The following MDGA2 variants were observed in gnomAD, a reference collection of about 807,000 sequenced individuals.
MDGA2 encodes the protein MAM domain containing glycosylphosphatidylinositol anchor 2.
In MDGA2, 40 loss-of-function variants were observed where a neutral mutation model predicts 117.8. The observed-to-expected ratio is 0.34, with a 90% confidence interval of 0.26 to 0.44. The LOEUF (loss-of-function observed/expected upper bound fraction) is 0.44. MDGA2 is among the 20% of genes least tolerant of loss of function. MDGA2 has a pLI of 1.00. For synonymous variants in MDGA2, 452 were observed against 439.0 expected, an observed-to-expected ratio of 1.03 and a Z score of -0.37; for missense variants, 1,123 against 1,250.6, an observed-to-expected ratio of 0.90 and a Z score of 1.54.
At chr14:47,180,127 C>G (rs1410676210) in intron 3 of MDGA2, among the ~76,000 whole-genome samples, 1 of 152,016 alleles carries the variant, frequency 6.6e-6, no homozygotes, top group Non-Finnish European at 1.5e-5. Flanking sequence ...ATTGCATCAT[C>G]CAGGTATATT....
intron 1 of MDGA2, among the ~76,000 whole-genome samples, chr14:47,370,342 G>A (rs1891319455): frequency 6.6e-6 from 1 of 150,872 alleles, no homozygotes. Flanking sequence ...GAGAAAGAGA[G>A]GACTAAATGT....
intron 7 of MDGA2, among the ~76,000 whole-genome samples, chr14:47,051,590 A>T (rs1889459041): frequency 6.6e-6 from 1 of 151,906 alleles, no homozygotes; most frequent in Non-Finnish European, 1.5e-5. Flanking sequence ...TCTTTGCACT[A>T]ATCATAGTTC....
At chr14:47,077,308 A>T (rs947638337) in intron 6 of MDGA2, among the ~76,000 whole-genome samples, 13 of 152,074 alleles carry the variant, frequency 8.5e-5, no homozygotes, top group Non-Finnish European at 1.3e-4. Context: ...CCTTACAATC[A>T]TCATAGGGTT....
chr14:47,361,251 A>AG (rs1362398887), intron 1 of MDGA2, among the ~76,000 whole-genome samples: 2 of 76 alleles, frequency 0.026, no homozygotes, highest in East Asian at 0.25. Flanking sequence ...TACAACACAC[A>AG]AATAAACATC....
intron 1 of MDGA2, among the ~76,000 whole-genome samples, chr14:47,493,344 C>G (rs777119060): frequency 2.7e-5 from 4 of 150,312 alleles, no homozygotes; most frequent in Non-Finnish European, 4.4e-5. Context: ...GAGACAAGGC[C>G]TCACTCTGTT....
intron 3 of MDGA2, among the ~76,000 whole-genome samples, chr14:47,145,276 A>G (rs1882895186): frequency 1.3e-5 from 2 of 152,144 alleles, no homozygotes; most frequent in South Asian, 4.1e-4. Context: ...TTGTGATTCA[A>G]ATGATTGTTT....
At chr14:46,848,037 G>A (rs953251504) in intron 15 of MDGA2, among the ~76,000 whole-genome samples, 1 of 151,986 alleles carries the variant, frequency 6.6e-6, no homozygotes, top group African/African-American at 2.4e-5. Flanking sequence ...GGTTTACAAT[G>A]TAGCCATAGC....
intron 1 of MDGA2, among the ~76,000 whole-genome samples, chr14:47,375,287 C>T (rs767809628): frequency 9.9e-5 from 15 of 151,794 alleles, no homozygotes; most frequent in South Asian, 4.1e-4. Flanking sequence ...GCCCTTATCA[C>T]TTTGTTTGAT....
chr14:47,674,697 G>T lies in MDGA2; in HGVS notation c.100C>A (p.His34Asn). The change falls in exon 1 of 17, where the codon CAC becomes AAC. Residue 34 changes from histidine to asparagine, a missense_variant. This residue lies in a region of MDGA2 where 233 missense variants were observed against 200.3 expected (regional missense o/e 1.16). Transcript: ENST00000399232. ...ACTCGCGCCCGGGCCAAGCCGAGGT[G>T]CCCGGGAACCGCTCGCCGAAGGAGG... ...RFLLRRAVPG[H>N]LGLARARVER... The T allele has an allele frequency of 1.9e-6, 2 of 1,056,602 alleles. No homozygotes were observed. Among genetic ancestry groups the T allele is most frequent in the Non-Finnish European group, 2.9e-6 (2 of 696,870 alleles). The allele number at this position is 1,056,602 out of a possible 1,614,324, so 65.5% of individuals were successfully genotyped here.
At chr14:47,555,477 C>T (rs137992389) in intron 1 of MDGA2, among the ~76,000 whole-genome samples, 151 of 152,190 alleles carry the variant, frequency 9.9e-4, no homozygotes, top group African/African-American at 3.4e-3. Context: ...TTTGATGATG[C>T]CATACTCAGT....
At chr14:47,247,309 T>TC (rs1887275321) in intron 2 of MDGA2, among the ~76,000 whole-genome samples, 1 of 145,536 alleles carries the variant, frequency 6.9e-6, no homozygotes, top group African/African-American at 2.5e-5. Flanking sequence ...GTTTCATATT[T>TC]TTTTTTTTTT....
intron 1 of MDGA2, among the ~76,000 whole-genome samples, chr14:47,669,387 T>C (rs1057072901): frequency 4.6e-5 from 7 of 152,196 alleles, no homozygotes; most frequent in Admixed American, 6.5e-5. Flanking sequence ...GTCTAAACTC[T>C]GGCACTCTCA....
At position 47,207,966 on chromosome 14, in the gene MDGA2, C is replaced by G. The variant is rs955364084; in HGVS notation, c.595+10055G>C. On this transcript the variant is annotated intron_variant, in intron 3 of 16. Coordinates refer to ENST00000399232, the MANE Select transcript of MDGA2 (RefSeq NM_001113498.3). ...AATTTTTCCCTCTATCAAGAGAGAA[C>G]AGCTAAGTTTTTGAAAATATCAAGT... Among the ~76,000 whole-genome samples the G allele has an allele frequency of 3.9e-5, 6 of 151,934 alleles. 1 individual carries two copies. The highest frequency in any genetic ancestry group is 8.8e-5 in the Non-Finnish European group (6 of 67,898).
In MDGA2 at chr14:47,004,713, T is replaced by C. The variant is rs183048539; in HGVS notation, c.1819+30298A>G. Among the ~76,000 whole-genome samples, 318 of 151,874 alleles carry C rather than the reference T, an allele frequency of 2.1e-3. 4 individuals carry two copies. Among genetic ancestry groups the C allele is most frequent in the Admixed American group, 4.7e-3 (71 of 15,218 alleles). Reference sequence around the variant, plus strand: ...AATATCACAATTTGCGAATAACTCATATCTCTCCATTTATTTAGGTCTTTG... The same window carrying C: ...AATATCACAATTTGCGAATAACTCACATCTCTCCATTTATTTAGGTCTTTG... On this transcript the variant is annotated intron_variant, in intron 8 of 16. Coordinates refer to ENST00000399232, the MANE Select transcript of MDGA2 (RefSeq NM_001113498.3).
intron 8 of MDGA2, among the ~76,000 whole-genome samples, chr14:46,959,956 G>T (rs1221246960): frequency 2.6e-5 from 4 of 151,996 alleles, no homozygotes; most frequent in Non-Finnish European, 4.4e-5. Context: ...GGGCGTGGTG[G>T]CTCACACCTG....
chr14:47,472,523 G>T (rs1893749784), intron 1 of MDGA2, among the ~76,000 whole-genome samples: 1 of 152,186 alleles, frequency 6.6e-6, no homozygotes, highest in Non-Finnish European at 1.5e-5. Flanking sequence ...TGTCTCGTGG[G>T]ACCACAAGCA....
At chr14:46,989,221 C>G (rs1386233828) in intron 8 of MDGA2, among the ~76,000 whole-genome samples, 2 of 151,812 alleles carry the variant, frequency 1.3e-5, no homozygotes, top group African/African-American at 2.4e-5. Context: ...GCTAGCAGCT[C>G]TTAGTGGCTT....
chr14:47,008,166 C>A (rs2138520314), intron 8 of MDGA2, among the ~76,000 whole-genome samples: 1 of 151,816 alleles, frequency 6.6e-6, no homozygotes, highest in African/African-American at 2.4e-5. Context: ...ACCAGGGGAC[C>A]TATGTTTTAG....
intron 1 of MDGA2, among the ~76,000 whole-genome samples, chr14:47,484,494 C>T (rs1215269367): frequency 6.6e-6 from 1 of 152,148 alleles, no homozygotes; most frequent in African/African-American, 2.4e-5. Flanking sequence ...GGAGGATTCA[C>T]TAACTGAAGA....
Sources: gnomAD v4.1 joint callset for allele counts (sites outside exome capture counted in the v4.1 genomes callset) on GRCh38, gnomAD v4.1.1 for gene constraint, gnomAD v4.1.1 regional missense constraint, MANE v1.5 for transcripts, NCBI Gene and HGNC (gene_info 2026-07-23, HGNC 2026-07-21) for gene names.